Variants in ADCY5 observed in about 807,000 individuals in gnomAD.
ADCY5 encodes the protein adenylate cyclase 5, also known as adenylate cyclase type 5.
In ADCY5, 30 loss-of-function variants were observed where a neutral mutation model predicts 119.7. The observed-to-expected ratio is 0.25, with a 90% CI of 0.19 to 0.34. The LOEUF (loss-of-function observed/expected upper bound fraction) is 0.34. Ranked by LOEUF, ADCY5 falls within the 10% of genes least tolerant of loss-of-function variation. The pLI is 1.00. For synonymous variants in ADCY5, 753 were observed against 762.2 expected, an observed-to-expected ratio of 0.99 and a Z score of 0.20; for missense variants, 1,324 against 1,775.2, an observed-to-expected ratio of 0.75 and a Z score of 4.57.
At position 123,304,087 on chromosome 3, in the gene ADCY5, G is replaced by C. The variant is rs1021860191; in HGVS notation, c.2539C>G (p.Leu847Val). Residue 847 changes from leucine (L) to valine (V), a missense_variant, in exon 13 of 21, where the codon CTG (leucine) becomes GTG (valine). Leu to Val is a conservative substitution (Grantham distance 32). Around this residue, in one of 6 missense-constraint regions of ADCY5, gnomAD observed 424 missense variants for 546.8 expected, o/e 0.78. Transcript: ENST00000462833. Reference protein sequence around the residue: ...VGVFTITLVFLAAFVNMFTCN... With the variant: ...VGVFTITLVFVAAFVNMFTCN... ...CCCACCATGTTGACAAAAGCCGCCA[G>C]GAACACCAGGGTGATGGTGAACACC... The C allele has an allele frequency of 2.5e-6, 4 of 1,613,428 alleles. No individual in the cohort carries two copies. The highest frequency in any genetic ancestry group is 3.4e-6 in the Non-Finnish European group (4 of 1,179,492).
intron 1 of ADCY5, among the ~76,000 whole-genome samples, chr3:123,433,214 C>A (rs1945553583): frequency 6.6e-6 from 1 of 152,158 alleles, no homozygotes; most frequent in Non-Finnish European, 1.5e-5. Flanking sequence ...CAGGCAGGGC[C>A]CCAGAGGGGT....
chr3:123,315,482 C>A (rs1317132947), intron 11 of ADCY5, among the ~76,000 whole-genome samples: 1 of 152,160 alleles, frequency 6.6e-6, no homozygotes, highest in Non-Finnish European at 1.5e-5. Flanking sequence ...GATGACCCAG[C>A]CCCCAAGCCG....
intron 1 of ADCY5, among the ~76,000 whole-genome samples, chr3:123,438,995 T>C (rs147507057): frequency 5.4e-5 from 8 of 148,930 alleles, no homozygotes; most frequent in African/African-American, 1.7e-4. Flanking sequence ...CAAGCGATCC[T>C]CCCATCTCAG....
rs1295759442 is a variant in ADCY5, at chr3:123,352,285, G to A, written c.1284+147C>T. On this transcript the variant is annotated intron_variant, in intron 2 of 20. Coordinates refer to ENST00000462833, the MANE Select transcript of ADCY5 (RefSeq NM_183357.3). This position sits in a 1 kb window ranked among gnomAD's most constrained non-coding sequence, Gnocchi z 4.8. The stretch of plus-strand genomic sequence containing the variant: ...CCTGGAATGCTGGACTCTCTCCAGG[G>A]GAAACATTCCCCATGGGTTGGTCCC... 2 of 1,045,622 alleles carry A rather than the reference G, an allele frequency of 1.9e-6. No individual in the cohort carries two copies. Among genetic ancestry groups the A allele is most frequent in the Admixed American group, 6.0e-5 (2 of 33,396 alleles). 64.8% of individuals were successfully genotyped at this position (1,045,622 alleles called of 1,614,324 possible).
At chr3:123,287,334 C>G (rs1421811984) in intron 19 of ADCY5, among the ~76,000 whole-genome samples, 1 of 152,222 alleles carries the variant, frequency 6.6e-6, no homozygotes. Context: ...CTTTCCCAAT[C>G]TCACCCAAGG....
chr3:123,289,999 C>T (rs756046726), intron 18 of ADCY5, 45 bp from the exon 19 acceptor site: 2 of 1,596,054 alleles, frequency 1.3e-6, no homozygotes, highest in Middle Eastern at 1.7e-4. Flanking sequence ...GCCTGGGACA[C>T]CGAGGGCCAC....
intron 1 of ADCY5, among the ~76,000 whole-genome samples, chr3:123,434,005 A>G (rs1945566088): frequency 6.6e-6 from 1 of 152,154 alleles, no homozygotes; most frequent in South Asian, 2.1e-4. Flanking sequence ...TGCCCGTCTG[A>G]GCCAGACACC....
chr3:123,378,254 G>A (rs554676963), intron 1 of ADCY5, among the ~76,000 whole-genome samples: 2 of 152,232 alleles, frequency 1.3e-5, no homozygotes, highest in Admixed American at 1.3e-4. Flanking sequence ...TTCAGGTGAG[G>A]AAATGGGTCT....
At chr3:123,373,536 G>A (rs1430059387) in intron 1 of ADCY5, among the ~76,000 whole-genome samples, 3 of 152,328 alleles carry the variant, frequency 2.0e-5, no homozygotes, top group East Asian at 1.9e-4. Flanking sequence ...TCACAGAAAC[G>A]ACTCCTTGCC....
chr3:123,404,258 C>A (rs1324309510), intron 1 of ADCY5: 2 of 152,224 alleles, frequency 1.3e-5, no homozygotes, highest in Non-Finnish European at 2.9e-5. Flanking sequence ...GGTTGACAAG[C>A]ACCCCGAGTG....
intron 1 of ADCY5, among the ~76,000 whole-genome samples, chr3:123,353,079 G>A (rs1329756343): frequency 1.3e-5 from 2 of 152,170 alleles, no homozygotes; most frequent in African/African-American, 4.8e-5. Flanking sequence ...ATGCTCTAGG[G>A]AACAAAAGGG....
chr3:123,405,994 C>T (rs1944888224), intron 1 of ADCY5, among the ~76,000 whole-genome samples: 1 of 152,116 alleles, frequency 6.6e-6, no homozygotes, highest in African/African-American at 2.4e-5. Context: ...CTGGAGGGAC[C>T]GACTGCTCTT....
At chr3:123,390,884 T>C (rs1038423250) in intron 1 of ADCY5, among the ~76,000 whole-genome samples, 1 of 152,250 alleles carries the variant, frequency 6.6e-6, no homozygotes, top group Non-Finnish European at 1.5e-5. Flanking sequence ...AACCTGCAAC[T>C]GGCACGCTAT....
chr3:123,378,917 A>C (rs574485700), intron 1 of ADCY5, among the ~76,000 whole-genome samples: 5 of 152,306 alleles, frequency 3.3e-5, no homozygotes, highest in African/African-American at 1.2e-4. Context: ...CATGCAAGTG[A>C]CATCAATTAT....
In ADCY5 at chr3:123,319,628, GTCC is replaced by G. The variant is rs1180891481; in HGVS notation, c.2256+43_2256+45del. 3.1e-6 allele frequency: 5 copies of G among 1,600,958 alleles called. No homozygotes were observed. In the African/African-American group the frequency reaches 6.7e-5, roughly 21 times the overall value. ...CTGTTTTCTTGCCCTCCTCCTCCTG[GTCC>G]TGGTTCAGCACAGGGGCCTCCTTCC... On this transcript the variant is annotated intron_variant, in intron 10 of 20. Coordinates refer to ENST00000462833, the MANE Select transcript of ADCY5 (RefSeq NM_183357.3).
chr3:123,401,542 A>G (rs781261284), intron 1 of ADCY5, among the ~76,000 whole-genome samples: 1 of 152,198 alleles, frequency 6.6e-6, no homozygotes, highest in Non-Finnish European at 1.5e-5. Context: ...GGGAAGGGAG[A>G]GACATCACCC....
intron 1 of ADCY5, among the ~76,000 whole-genome samples, chr3:123,447,025 C>A (rs890047657): frequency 3.9e-5 from 6 of 152,132 alleles, no homozygotes; most frequent in Non-Finnish European, 8.8e-5. Context: ...GTGGCACTCA[C>A]GAGGGGGTGG....
intron 1 of ADCY5, among the ~76,000 whole-genome samples, chr3:123,370,657 CA>C (rs1422253548): frequency 6.6e-6 from 1 of 152,230 alleles, no homozygotes; most frequent in African/African-American, 2.4e-5. Flanking sequence ...GACTATGACA[CA>C]AGAGAAATAA....
At chr3:123,334,435 G>T (rs1371448503) in intron 3 of ADCY5, among the ~76,000 whole-genome samples, 1 of 152,160 alleles carries the variant, frequency 6.6e-6, no homozygotes, top group African/African-American at 2.4e-5. Context: ...ATGTGTATTG[G>T]TACATTAAGC....
Sources: gnomAD v4.1 joint callset for allele counts (sites outside exome capture counted in the v4.1 genomes callset) on GRCh38, gnomAD v4.1.1 for gene constraint, gnomAD v4.1.1 regional missense constraint, Gnocchi (gnomAD v3.1) non-coding constraint, MANE v1.5 for transcripts, NCBI Gene and HGNC (gene_info 2026-07-23, HGNC 2026-07-21) for gene names.